The following GRIA3 variants were observed in gnomAD, a reference collection of about 807,000 sequenced individuals.
GRIA3 encodes glutamate ionotropic receptor AMPA type subunit 3.
A neutral mutation model predicts 63.0 loss-of-function variants in GRIA3; 3 were observed. That is an observed-to-expected ratio of 0.05 (90% CI 0.02 to 0.12). The LOEUF is 0.12. Ranked by LOEUF, GRIA3 falls within the 10% of genes least tolerant of loss-of-function variation. The pLI is 1.00. For missense variants in GRIA3, 347 were observed against 700.9 expected (o/e 0.50, Z 5.70); for synonymous variants, 274 against 257.9 (o/e 1.06, Z -0.60).
chrX:123,266,841 TC>T (rs2044491480), intron 3 of GRIA3, among the ~76,000 whole-genome samples: 1 of 110,848 alleles, frequency 9.0e-6, no homozygotes, highest in African/African-American at 3.3e-5. Context: ...CAAATACTTT[TC>T]CTTTTTTTAG....
intron 3 of GRIA3, among the ~76,000 whole-genome samples, chrX:123,303,110 T>C (rs1415390093): frequency 9.0e-6 from 1 of 111,437 alleles, no homozygotes; most frequent in Non-Finnish European, 1.9e-5. Flanking sequence ...TTAGATTTTA[T>C]TCAGATATTG....
chrX:123,352,271 G>T (rs1046703374), intron 4 of GRIA3, among the ~76,000 whole-genome samples: 5 of 111,199 alleles, frequency 4.5e-5, no homozygotes, highest in African/African-American at 9.8e-5. Context: ...GTAGAGATGG[G>T]GTTTCTCCAT....
At chrX:123,416,185 A>C in intron 10 of GRIA3, among the ~76,000 whole-genome samples, 1 of 112,139 alleles carries the variant, frequency 8.9e-6, no homozygotes, top group African/African-American at 3.2e-5. Context: ...CTAGCTGTTT[A>C]TCATCTGCAT....
rs1325505784 is a variant in GRIA3 at position 123,465,127 on chromosome X, A to G, written c.2324+15A>G. The G allele has an allele frequency of 8.3e-7, 1 of 1,197,989 alleles. No homozygotes were observed. The highest frequency in any genetic ancestry group is 1.1e-6 in the Non-Finnish European group (1 of 883,106). ...TCAGCATTAAGGTGGGTGGAATAATATAACAATATCCGTGTTGTTATAGTA... is the reference window on the plus strand; with the variant it reads ...TCAGCATTAAGGTGGGTGGAATAATGTAACAATATCCGTGTTGTTATAGTA... On this transcript the variant is annotated intron_variant, in intron 13 of 15. Coordinates refer to ENST00000620443, the MANE Select transcript of GRIA3 (RefSeq NM_007325.5).
At chrX:123,224,640 A>G (rs1249251331) in intron 2 of GRIA3, among the ~76,000 whole-genome samples, 1 of 111,548 alleles carries the variant, frequency 9.0e-6, no homozygotes, top group Non-Finnish European at 1.9e-5. Flanking sequence ...CAAGGTATCT[A>G]ACAAGCCAGT....
intron 3 of GRIA3, among the ~76,000 whole-genome samples, chrX:123,260,459 AGGAAGGAAGAAGAAAG>A (rs1322051908): frequency 4.5e-3 from 41 of 9,012 alleles, no homozygotes; most frequent in African/African-American, 7.6e-3. Context: ...AAAGAAAGAA[AGGAAGGAAGAAGAAAG>A]GAAAGAAAGA....
chrX:123,472,327 G>A (rs1445114287), intron 13 of GRIA3, among the ~76,000 whole-genome samples: 1 of 109,233 alleles, frequency 9.2e-6, no homozygotes, highest in Non-Finnish European at 1.9e-5. Flanking sequence ...CATACATCAT[G>A]TGAGTTTCTG....
In GRIA3 at chrX:123,329,967, G is replaced by T. The variant is rs778730221; in HGVS notation, c.696+3754G>T. On this transcript the variant is annotated intron_variant, in intron 4 of 15. Transcript: ENST00000620443. Reference sequence around the variant, plus strand: ...GCACCTTTAATGTCTATTCAGAGACGCAGCATAACAGCGTTTCAGAGCATG... The same window carrying T: ...GCACCTTTAATGTCTATTCAGAGACTCAGCATAACAGCGTTTCAGAGCATG... Among the ~76,000 whole-genome samples, 6 of 111,792 alleles carry T rather than the reference G, an allele frequency of 5.4e-5. No individual in the cohort carries two copies. In the South Asian group the frequency reaches 2.3e-3, roughly 42 times the overall value.
At chrX:123,198,969 T>A (rs953174770) in intron 2 of GRIA3, among the ~76,000 whole-genome samples, 1 of 112,079 alleles carries the variant, frequency 8.9e-6, no homozygotes, top group Non-Finnish European at 1.9e-5. Flanking sequence ...TAGTTCCAAC[T>A]GGGCTCTCCC....
chrX:123,312,937 A>G (rs2044805751), intron 3 of GRIA3, among the ~76,000 whole-genome samples: 1 of 111,766 alleles, frequency 8.9e-6, no homozygotes, highest in Non-Finnish European at 1.9e-5. Context: ...TGGCACAATG[A>G]AGAGATTGGG....
At chrX:123,432,665 G>A (rs1490898995) in intron 12 of GRIA3, among the ~76,000 whole-genome samples, 1 of 111,574 alleles carries the variant, frequency 9.0e-6, no homozygotes, top group Non-Finnish European at 1.9e-5. Context: ...AAAAATCCCA[G>A]AGAGATGTTT....
rs201330553 is a variant in GRIA3 at position 123,209,981 on chromosome X, T to TTTTG, written c.268+24010_268+24013dup. Among the ~76,000 whole-genome samples, 15 of 109,889 alleles carry TTTTG rather than the reference T, an allele frequency of 1.4e-4. No homozygotes were observed. In the East Asian group the frequency reaches 1.7e-3, roughly 13 times the overall value. On this transcript the variant is annotated intron_variant, in intron 2 of 15. Coordinates refer to ENST00000620443, the MANE Select transcript of GRIA3 (RefSeq NM_007325.5). ...AGCTTGGAGTTGGGTTTTACCGTGA[T>TTTTG]TTTGTTTGTTTGTTTGTTTGTTGGT...
At chrX:123,228,126 G>A (rs1455871780) in intron 2 of GRIA3, among the ~76,000 whole-genome samples, 2 of 111,891 alleles carry the variant, frequency 1.8e-5, no homozygotes, top group South Asian at 3.7e-4. Flanking sequence ...GACTTGTTGC[G>A]CCAACATTGT....
chrX:123,299,938 A>G (rs762533176), intron 3 of GRIA3, among the ~76,000 whole-genome samples: 2 of 111,408 alleles, frequency 1.8e-5, no homozygotes, highest in East Asian at 5.6e-4. Context: ...TTTAACATAA[A>G]CAGATGTTGA....
intron 13 of GRIA3, among the ~76,000 whole-genome samples, chrX:123,466,201 G>A (rs888352974): frequency 8.9e-6 from 1 of 111,864 alleles, no homozygotes; most frequent in African/African-American, 3.3e-5. Context: ...TTTCTAGGTT[G>A]TGATGGTTGC....
chrX:123,271,538 C>A (rs749649076), intron 3 of GRIA3, among the ~76,000 whole-genome samples: 2 of 111,990 alleles, frequency 1.8e-5, no homozygotes, highest in Non-Finnish European at 3.8e-5. Context: ...CCACTGCACA[C>A]CTTTAGGACA....
intron 12 of GRIA3, among the ~76,000 whole-genome samples, chrX:123,438,396 T>C (rs1462351379): frequency 1.3e-4 from 15 of 112,980 alleles, no homozygotes; most frequent in African/African-American, 4.8e-4. Context: ...AATACGTGAC[T>C]ATTTGTGAAT....
At chrX:123,305,211 C>T (rs2044747583) in intron 3 of GRIA3, among the ~76,000 whole-genome samples, 2 of 110,997 alleles carry the variant, frequency 1.8e-5, no homozygotes. Flanking sequence ...CGAGTTTATA[C>T]CAGCTGACCT....
chrX:123,361,812 T>A (rs1204930035), intron 5 of GRIA3, among the ~76,000 whole-genome samples: 1 of 111,795 alleles, frequency 8.9e-6, no homozygotes, highest in Non-Finnish European at 1.9e-5. Flanking sequence ...GATTATGTCC[T>A]CTAAAACAGT....
Sources: gnomAD v4.1 joint callset for allele counts (sites outside exome capture counted in the v4.1 genomes callset) on GRCh38, gnomAD v4.1.1 for gene constraint, MANE v1.5 for transcripts, NCBI Gene and HGNC (gene_info 2026-07-23, HGNC 2026-07-21) for gene names.